The following SEMA3C variants were observed in gnomAD, a reference collection of about 807,000 sequenced individuals.
The protein encoded by SEMA3C is semaphorin-3C.
Under a neutral mutation model 89.4 loss-of-function variants are expected in SEMA3C, and 47 were observed. The observed-to-expected ratio is 0.53, with a 90% confidence interval of 0.42 to 0.67. SEMA3C has a LOEUF of 0.67. SEMA3C is among the 30% of genes least tolerant of loss of function. SEMA3C has a pLI of 0.00. For missense variants in SEMA3C, 839 were observed against 929.1 expected (o/e 0.90, Z 1.26); for synonymous variants, 310 against 320.2 (o/e 0.97, Z 0.34).
chr7:80,921,239 A>G (rs1792403357), upstream of SEMA3C, among the ~76,000 whole-genome samples: 1 of 152,212 alleles, frequency 6.6e-6, no homozygotes, highest in Non-Finnish European at 1.5e-5. Context: ...TATTGCTCAA[A>G]TAAACCTCTT....
chr7:80,776,827 C>G (rs556476475), intron 12 of SEMA3C, among the ~76,000 whole-genome samples: 2 of 152,144 alleles, frequency 1.3e-5, no homozygotes, highest in East Asian at 3.8e-4. Context: ...GTATTGCTTA[C>G]AAGTATCTGA....
At chr7:80,856,528 T>C (rs1044116075) in intron 2 of SEMA3C, among the ~76,000 whole-genome samples, 1 of 133,500 alleles carries the variant, frequency 7.5e-6, no homozygotes, top group Non-Finnish European at 1.5e-5. Flanking sequence ...AATTCTGCAT[T>C]GGTTAAGGAA....
chr7:80,872,421 G>C (rs1207934271), intron 2 of SEMA3C, among the ~76,000 whole-genome samples: 2 of 152,140 alleles, frequency 1.3e-5, no homozygotes, highest in African/African-American at 2.4e-5. Context: ...CCAAAGTGCT[G>C]AGATTACAGG....
Position 80,789,523 on chromosome 7 carries a change from T to C in SEMA3C, c.1137A>G (p.Pro379=). 1 of 1,594,942 alleles carries C rather than the reference T, an allele frequency of 6.3e-7. No homozygotes were observed. Among genetic ancestry groups the C allele is most frequent in the Non-Finnish European group, 8.5e-7 (1 of 1,171,910 alleles). ...RIPYPRPGTC[P]GGAFTPNMRT... is the part of the protein sequence containing the mutation. ...GCATATTGGGTGTAAATGCTCCTCC[T>C]GGACACTAGAAAGAAAGTTTTAAAG... is the stretch of plus-strand genomic sequence containing the variant. Residue 379 remains proline, a synonymous_variant, in exon 12 of 18, where the codon CCA becomes CCG. Transcript: ENST00000265361.
intron 16 of SEMA3C, 90 bp downstream of exon 16, chr7:80,751,179 C>T (rs1041089497): frequency 6.5e-6 from 7 of 1,069,802 alleles, no homozygotes; most frequent in Admixed American, 5.7e-5. Flanking sequence ...AGTGAAACGC[C>T]TGAATCTATG....
At chr7:80,917,144 C>T (rs772212403) in intron 1 of SEMA3C, among the ~76,000 whole-genome samples, 1 of 152,156 alleles carries the variant, frequency 6.6e-6, no homozygotes, top group Non-Finnish European at 1.5e-5. Context: ...TCTAGAAATC[C>T]ATTACATTAA....
At position 80,744,940 on chromosome 7, in the gene SEMA3C, T is replaced by C. The variant is rs775440476; in HGVS notation, c.2210A>G (p.Asn737Ser). ...GDYGKLKALI[N>S]SRKSRNRRNQ... ...CCTCCTGTTTCTACTTTTCCGACTATTGATGAGGGCCTTTAACTTGCCATA... is the reference window on the plus strand; with the variant it reads ...CCTCCTGTTTCTACTTTTCCGACTACTGATGAGGGCCTTTAACTTGCCATA... The change falls in exon 18 of 18, where the codon AAT becomes AGT. Residue 737 changes from asparagine to serine, a missense_variant. Coordinates refer to ENST00000265361, the MANE Select transcript of SEMA3C (RefSeq NM_006379.5). The C allele has an allele frequency of 3.7e-5, 59 of 1,614,012 alleles. No homozygotes were observed. Among genetic ancestry groups the C allele is most frequent in the Non-Finnish European group, 4.7e-5 (56 of 1,179,974 alleles).
At chr7:80,813,659 C>G in intron 5 of SEMA3C, among the ~76,000 whole-genome samples, 1 of 152,162 alleles carries the variant, frequency 6.6e-6, no homozygotes, top group Non-Finnish European at 1.5e-5. Context: ...TCTTTTTAGG[C>G]ACCTTAGATT....
chr7:80,828,826 A>G, intron 2 of SEMA3C, 81 bp from the exon 3 acceptor site: 1 of 1,085,666 alleles, frequency 9.2e-7, no homozygotes, highest in Middle Eastern at 2.3e-4. Context: ...TATTATGCAA[A>G]TATTCCAAAA....
rs149490520 is a variant in SEMA3C at position 80,744,759 on chromosome 7, G to A, written c.*135C>T. On this transcript the variant is annotated 3_prime_UTR_variant, in exon 18 of 18. Coordinates refer to ENST00000265361, the MANE Select transcript of SEMA3C (RefSeq NM_006379.5). The stretch of plus-strand genomic sequence containing the variant: ...AGAAAATGCATGCTCATTTCAGTTC[G>A]TGTAAAACTCACTTCAGGAGTAATC... The A allele has an allele frequency of 1.4e-3, 1,308 of 914,680 alleles. 14 individuals carry two copies. In the African/African-American group the frequency reaches 0.019, roughly 13 times the overall value. 56.7% of individuals were successfully genotyped at this position (914,680 alleles called of 1,614,324 possible). A position where few individuals can be genotyped will look rare whatever the true frequency, so the allele number is the denominator to read the frequency against.
At chr7:80,815,261 G>A (rs1269428796) in intron 5 of SEMA3C, among the ~76,000 whole-genome samples, 1 of 151,948 alleles carries the variant, frequency 6.6e-6, no homozygotes, top group African/African-American at 2.4e-5. Flanking sequence ...CATGAATGGT[G>A]GAATTTAATG....
Position 80,798,861 on chromosome 7 carries a change from G to T in SEMA3C, c.987-625C>A, listed in dbSNP as rs567714564. Reference sequence around the variant, plus strand: ...ATCTTTAGTAAGAAATATTTCCATTGTCCTATGGCAGGTTGGCTGAAATCA... The same window carrying T: ...ATCTTTAGTAAGAAATATTTCCATTTTCCTATGGCAGGTTGGCTGAAATCA... On this transcript the variant is annotated intron_variant, in intron 10 of 17. Transcript: ENST00000265361. 3.3e-5 allele frequency among the ~76,000 whole-genome samples: 5 copies of T among 152,160 alleles called. No individual in the cohort carries two copies. The East Asian group carries it at 9.7e-4, about 29-fold the overall frequency.
intron 6 of SEMA3C, among the ~76,000 whole-genome samples, chr7:80,807,625 C>T (rs1373615325): frequency 7.6e-6 from 1 of 131,384 alleles, no homozygotes; most frequent in Non-Finnish European, 1.7e-5. Flanking sequence ...AGAAAAACTT[C>T]ATAAAGTTAT....
intron 13 of SEMA3C, among the ~76,000 whole-genome samples, chr7:80,763,302 C>G (rs7357313): frequency 0.028 from 4,227 of 152,238 alleles, 230 homozygotes; most frequent in African/African-American, 0.098. Flanking sequence ...CTCACATGCT[C>G]ATGACAGTGT....
intron 10 of SEMA3C, among the ~76,000 whole-genome samples, chr7:80,799,316 T>G (rs1227056911): frequency 6.6e-6 from 1 of 152,150 alleles, no homozygotes; most frequent in African/African-American, 2.4e-5. Flanking sequence ...AACCTTTAGA[T>G]TTTTGCTTTG....
intron 2 of SEMA3C, among the ~76,000 whole-genome samples, chr7:80,885,949 C>G (rs1791464825): frequency 1.3e-5 from 2 of 152,156 alleles, no homozygotes; most frequent in African/African-American, 4.8e-5. Context: ...ACCTGCTGTG[C>G]TAAGCATCTA....
intron 15 of SEMA3C, 68 bp downstream of exon 15, chr7:80,758,263 G>C (rs975370162): frequency 6.7e-7 from 1 of 1,500,772 alleles, no homozygotes; most frequent in South Asian, 1.3e-5. Context: ...TAATTCTAAA[G>C]ATGTGAAACA....
intron 11 of SEMA3C, among the ~76,000 whole-genome samples, chr7:80,789,947 A>T (rs1256768453): frequency 6.6e-6 from 1 of 152,106 alleles, no homozygotes; most frequent in Non-Finnish European, 1.5e-5. Context: ...TCTGACATGT[A>T]AAAGTTTTAT....
chr7:80,906,011 A>C (rs1313133792), intron 2 of SEMA3C: 8 of 614,160 alleles, frequency 1.3e-5, no homozygotes, highest in Non-Finnish European at 2.0e-5. Flanking sequence ...GTGAGTAGAG[A>C]GCAAAAGAAG....
Sources: allele counts gnomAD v4.1 joint callset (sites outside exome capture counted in the v4.1 genomes callset), GRCh38; gene constraint gnomAD v4.1.1; transcripts MANE v1.5; gene names NCBI Gene and HGNC (gene_info 2026-07-23, HGNC 2026-07-21).